TMEM132D: variants seen among roughly 807,000 people sequenced by gnomAD.
The protein encoded by TMEM132D is mature OL transmembrane protein.
A neutral mutation model predicts 62.3 loss-of-function variants in TMEM132D; 21 were observed. The observed-to-expected ratio is 0.34, with a 90% CI of 0.24 to 0.49. TMEM132D has a LOEUF of 0.49. Among genes scored for constraint, TMEM132D ranks in the 20% least tolerant of loss-of-function variants. TMEM132D has a pLI of 0.99. For missense variants in TMEM132D, 1,346 were observed against 1,402.8 expected (o/e 0.96, Z 0.65); for synonymous variants, 621 against 575.6 (o/e 1.08, Z -1.13).
At chr12:129,591,513 A>G (rs1052037440) in intron 2 of TMEM132D, among the ~76,000 whole-genome samples, 18 of 148,478 alleles carry the variant, frequency 1.2e-4, no homozygotes, top group African/African-American at 4.5e-4. Context: ...TCATTCAATC[A>G]GCATTTTGAG....
chr12:129,338,696 G>A (rs1275572047), intron 3 of TMEM132D, among the ~76,000 whole-genome samples: 2 of 152,190 alleles, frequency 1.3e-5, no homozygotes, highest in East Asian at 1.9e-4. Flanking sequence ...CAACGTCTAC[G>A]TGTCAGATCT....
At chr12:129,241,754 G>T (rs552472145) in intron 4 of TMEM132D, among the ~76,000 whole-genome samples, 2 of 152,244 alleles carry the variant, frequency 1.3e-5, no homozygotes, top group South Asian at 4.2e-4. Context: ...CAGATACTGT[G>T]CTTCACAAGG....
chr12:129,592,376 T>C (rs1878217317), intron 2 of TMEM132D, among the ~76,000 whole-genome samples: 1 of 152,220 alleles, frequency 6.6e-6, no homozygotes, highest in African/African-American at 2.4e-5. Context: ...TCTTGCCTAT[T>C]CTAAGTACTA....
intron 1 of TMEM132D, among the ~76,000 whole-genome samples, chr12:129,720,779 CCA>C (rs59083065): frequency 0.028 from 4,188 of 152,290 alleles, 194 homozygotes; most frequent in African/African-American, 0.094. Context: ...ATCTGGGATT[CCA>C]CAGAGATGAT....
intron 4 of TMEM132D, among the ~76,000 whole-genome samples, chr12:129,271,796 T>A (rs1880860241): frequency 6.6e-6 from 1 of 152,050 alleles, no homozygotes; most frequent in Middle Eastern, 3.4e-3. Flanking sequence ...ACATTTTCTT[T>A]ATCAAGTCTA....
chr12:129,335,969 C>A (rs1400688291), intron 4 of TMEM132D, among the ~76,000 whole-genome samples: 3 of 152,104 alleles, frequency 2.0e-5, no homozygotes, highest in Non-Finnish European at 2.9e-5. Context: ...GGCTGGCATC[C>A]CAGCAGCTAT....
chr12:129,451,190 T>C (rs1484720440), intron 3 of TMEM132D, among the ~76,000 whole-genome samples: 2 of 152,150 alleles, frequency 1.3e-5, no homozygotes, highest in Non-Finnish European at 2.9e-5. Context: ...CTTCCTACAA[T>C]GTGAAGCTTG....
chr12:129,251,104 T>A (rs1880250668), intron 4 of TMEM132D, among the ~76,000 whole-genome samples: 1 of 152,066 alleles, frequency 6.6e-6, no homozygotes, highest in Non-Finnish European at 1.5e-5. Context: ...ACGCCTGTAA[T>A]CCTAGCACTT....
At chr12:129,453,905 G>A (rs529236380) in intron 3 of TMEM132D, among the ~76,000 whole-genome samples, 12 of 152,270 alleles carry the variant, frequency 7.9e-5, no homozygotes, top group Admixed American at 2.0e-4. Flanking sequence ...TCTCACATCT[G>A]CCCTAAAACT....
chr12:129,614,478 G>T (rs1178492314), intron 2 of TMEM132D, among the ~76,000 whole-genome samples: 1 of 152,116 alleles, frequency 6.6e-6, no homozygotes, highest in Non-Finnish European at 1.5e-5. Context: ...TAACCAAGAG[G>T]GTCAGATGCA....
At chr12:129,846,916 C>T (rs968167136) in intron 1 of TMEM132D, among the ~76,000 whole-genome samples, 1 of 152,106 alleles carries the variant, frequency 6.6e-6, no homozygotes, top group African/African-American at 2.4e-5. Context: ...ATCCATGAGT[C>T]GACTTCTGCC....
chr12:129,847,733 G>C (rs1340037273), intron 1 of TMEM132D, among the ~76,000 whole-genome samples: 1 of 152,064 alleles, frequency 6.6e-6, no homozygotes, highest in Non-Finnish European at 1.5e-5. Context: ...TAGTCTCCTG[G>C]CTCAAGCCTT....
At chr12:129,747,818 GAC>G (rs1331527162) in intron 1 of TMEM132D, among the ~76,000 whole-genome samples, 2 of 138,988 alleles carry the variant, frequency 1.4e-5, no homozygotes, top group Non-Finnish European at 3.1e-5. Context: ...ACACACACTT[GAC>G]ACACACTCGA....
chr12:129,429,324 T>G (rs1384768333), intron 3 of TMEM132D, among the ~76,000 whole-genome samples: 3 of 152,226 alleles, frequency 2.0e-5, no homozygotes, highest in Non-Finnish European at 4.4e-5. Context: ...ACTCTAGTAG[T>G]GTAAGCAGAA....
In TMEM132D at chr12:129,716,934, T is replaced by A. The variant is rs1868601704; in HGVS notation, c.80-16236A>T. On this transcript the variant is annotated intron_variant, in intron 1 of 8. Transcript: ENST00000422113. ...ATAGGAATTTGTGGGGAAACACATT[T>A]AGCGTCTGTAGGTAGAAATGGTGCA... Among the ~76,000 whole-genome samples the A allele has an allele frequency of 2.6e-5, 4 of 152,186 alleles. No homozygotes were observed. In the South Asian group the frequency reaches 8.3e-4, roughly 32 times the overall value.
chr12:129,865,425 C>T (rs1457100024), intron 1 of TMEM132D, among the ~76,000 whole-genome samples: 4 of 152,122 alleles, frequency 2.6e-5, no homozygotes, highest in Non-Finnish European at 5.9e-5. Context: ...CTTGGTTGTG[C>T]AAGATGGGTC....
intron 3 of TMEM132D, among the ~76,000 whole-genome samples, chr12:129,381,590 C>T (rs572045048): frequency 7.2e-5 from 11 of 152,292 alleles, no homozygotes; most frequent in Admixed American, 2.6e-4. Context: ...TTTTCCCCAA[C>T]ATTCTGTGGC....
chr12:129,301,999 C>G (rs1288510834), intron 4 of TMEM132D, among the ~76,000 whole-genome samples: 1 of 152,184 alleles, frequency 6.6e-6, no homozygotes, highest in East Asian at 1.9e-4. Context: ...TTGTCTACAG[C>G]TTCTATCTAA....
At position 129,407,024 on chromosome 12, in the gene TMEM132D, G is replaced by A. The variant is rs1027874587; in HGVS notation, c.1116-69207C>T. ...GAAGGTACTTGATCAAAGAATAACC[G>A]CTACAGGAAAAGGCTACTCTGAATG... On this transcript the variant is annotated intron_variant, in intron 3 of 8. Transcript: ENST00000422113. Among the ~76,000 whole-genome samples, 6 of 152,176 alleles carry A rather than the reference G, an allele frequency of 3.9e-5. No individual in the cohort carries two copies. In the South Asian group the frequency reaches 6.2e-4, roughly 16 times the overall value.
Sources: gnomAD v4.1 joint callset for allele counts (sites outside exome capture counted in the v4.1 genomes callset) on GRCh38, gnomAD v4.1.1 for gene constraint, MANE v1.5 for transcripts, NCBI Gene and HGNC (gene_info 2026-07-23, HGNC 2026-07-21) for gene names.